The following THRAP3 variants were observed in gnomAD, a reference collection of about 807,000 sequenced individuals.
The protein encoded by THRAP3 is thyroid hormone receptor-associated protein 3.
Under a neutral mutation model 101.0 loss-of-function variants are expected in THRAP3, and 16 were observed. The ratio of observed to expected loss-of-function variants is 0.16; its 90% CI spans 0.11 to 0.24. The LOEUF (loss-of-function observed/expected upper bound fraction) is 0.24. Among genes scored for constraint, THRAP3 ranks in the 10% least tolerant of loss-of-function variants. THRAP3 has a pLI of 1.00. For missense variants in THRAP3, 989 were observed against 1,202.7 expected (o/e 0.82, Z 2.63); for synonymous variants, 407 against 422.6 (o/e 0.96, Z 0.45).
At chr1:36,277,717 A>G (rs1645678615) in intron 2 of THRAP3, among the ~76,000 whole-genome samples, 1 of 152,118 alleles carries the variant, frequency 6.6e-6, no homozygotes, top group African/African-American at 2.4e-5. Context: ...GAAAAACCAA[A>G]TGAGTTTTTA....
chr1:36,282,793 C>CA, intron 3 of THRAP3, 93 bp downstream of exon 3: 1 of 1,443,898 alleles, frequency 6.9e-7, no homozygotes. Flanking sequence ...CTGTGAGTGT[C>CA]AAATGGACTG....
At chr1:36,227,592 T>TG (rs1644976417) in intron 1 of THRAP3, among the ~76,000 whole-genome samples, 1 of 151,974 alleles carries the variant, frequency 6.6e-6, no homozygotes, top group Non-Finnish European at 1.5e-5. Flanking sequence ...CTACAACAGA[T>TG]GGAGGGAGGA....
In THRAP3 at chr1:36,301,567, A is replaced by C; in HGVS notation, c.2517A>C (p.Arg839Ser). The C allele has an allele frequency of 6.2e-7, 1 of 1,613,368 alleles. No individual in the cohort carries two copies. Among genetic ancestry groups the C allele is most frequent in the Non-Finnish European group, 8.5e-7 (1 of 1,179,780 alleles). ...RARGTFQFRARGRGWGRGNYS... is the reference protein window; with the variant it reads ...RARGTFQFRASGRGWGRGNYS... ...TATTGCAATAGCAGTTTCGAGCCAG[A>C]GGAAGAGGCTGGGGCAGAGGCAACT... The change falls in exon 11 of 12, where the codon AGA becomes AGC. Residue 839 changes from arginine to serine, a missense_variant. Arg to Ser is a moderately radical substitution (Grantham distance 110, BLOSUM62 -1). Transcript: ENST00000354618.
the THRAP3 span, among the ~76,000 whole-genome samples, chr1:36,219,183 A>G: frequency 1.3e-5 from 2 of 152,172 alleles, no homozygotes; most frequent in African/African-American, 2.4e-5. Context: ...CAAAAGCCTA[A>G]TCTAGAACAA....
chr1:36,303,850 C>A lies in THRAP3; in HGVS notation c.2701C>A (p.Arg901=), dbSNP rs1301301267. The change falls in exon 12 of 12, where the codon CGA becomes AGA. Residue 901 remains arginine, a synonymous_variant. Transcript: ENST00000354618. ...SDKWVSRGRG[R]GAFPRGRGRF... is the part of the protein sequence containing the mutation. ...CAAGTGGGTGAGCCGGGGCCGGGGC[C>A]GAGGAGCCTTTCCTCGGGGTCGGGG... 1 of 1,613,960 alleles carries A rather than the reference C, an allele frequency of 6.2e-7. No individual in the cohort carries two copies.
At chr1:36,273,382 T>G (rs1645614554) in intron 2 of THRAP3, among the ~76,000 whole-genome samples, 1 of 152,210 alleles carries the variant, frequency 6.6e-6, no homozygotes, top group South Asian at 2.1e-4. Context: ...GTCCAGCACC[T>G]TCTCATTATA....
chr1:36,293,776 A>T (rs910112172), intron 7 of THRAP3, 75 bp from the exon 8 acceptor site: 1 of 1,298,934 alleles, frequency 7.7e-7, no homozygotes. Context: ...CTATTAGCCA[A>T]CTTAAGAGCT....
At position 36,293,028 on chromosome 1, in the gene THRAP3, C is replaced by CTTTTTTTTTTTTTTTT. The variant is rs71053920; in HGVS notation, c.2030+322_2030+337dup. The stretch of plus-strand genomic sequence containing the variant: ...AGTAAATGCTAGTTTCTTTTCTTGT[C>CTTTTTTTTTTTTTTTT]TTTTTTTTTTTTTTTTTTGAGATGG... On this transcript the variant is annotated intron_variant, in intron 7 of 11. Coordinates refer to ENST00000354618, the MANE Select transcript of THRAP3 (RefSeq NM_005119.4). Among the ~76,000 whole-genome samples the CTTTTTTTTTTTTTTTT allele has an allele frequency of 7.1e-4, 59 of 82,824 alleles. 7 individuals carry two copies. Among genetic ancestry groups the CTTTTTTTTTTTTTTTT allele is most frequent in the East Asian group, 1.1e-3 (3 of 2,618 alleles). The allele number at this position is 82,824 out of a possible 152,430, so 54.3% of individuals were successfully genotyped here.
At chr1:36,296,977 G>C (rs528641063) in intron 9 of THRAP3, among the ~76,000 whole-genome samples, 1 of 152,332 alleles carries the variant, frequency 6.6e-6, no homozygotes, top group South Asian at 2.1e-4. Context: ...GTCCAAAGAA[G>C]GCTTCATGAG....
At chr1:36,291,914 C>A (rs1383877480) in intron 6 of THRAP3, among the ~76,000 whole-genome samples, 3 of 152,116 alleles carry the variant, frequency 2.0e-5, no homozygotes, top group Non-Finnish European at 4.4e-5. Context: ...ATTCTATCAT[C>A]CCCCTGGGCA....
At chr1:36,242,703 G>A (rs573138525) in intron 1 of THRAP3, among the ~76,000 whole-genome samples, 16 of 151,694 alleles carry the variant, frequency 1.1e-4, no homozygotes, top group Admixed American at 7.9e-4. Context: ...CGCCTGCCTC[G>A]CCCTCCCAAA....
chr1:36,303,843 C>T lies in THRAP3; in HGVS notation c.2694C>T (p.Gly898=). The part of the protein sequence containing the change: ...GEGSDKWVSR[G]RGRGAFPRGR... ...GCAGTGACAAGTGGGTGAGCCGGGGCCGGGGCCGAGGAGCCTTTCCTCGGG... is the reference window on the plus strand; with the variant it reads ...GCAGTGACAAGTGGGTGAGCCGGGGTCGGGGCCGAGGAGCCTTTCCTCGGG... The change falls in exon 12 of 12, where the codon GGC becomes GGT. Residue 898 remains glycine, a synonymous_variant. Coordinates refer to ENST00000354618, the MANE Select transcript of THRAP3 (RefSeq NM_005119.4). 6.2e-7 allele frequency: 1 copy of T among 1,614,136 alleles called. No individual in the cohort carries two copies. The highest frequency in any genetic ancestry group is 2.2e-5 in the East Asian group (1 of 44,880).
At chr1:36,217,048 G>A in the THRAP3 span, among the ~76,000 whole-genome samples, 1 of 151,948 alleles carries the variant, frequency 6.6e-6, no homozygotes, top group Non-Finnish European at 1.5e-5. Flanking sequence ...TTTTTTTCCT[G>A]ATCATCATAG....
At chr1:36,222,811 A>G (rs1368566515), upstream of THRAP3, among the ~76,000 whole-genome samples, 3 of 152,212 alleles carry the variant, frequency 2.0e-5, no homozygotes, top group Non-Finnish European at 4.4e-5. Context: ...TGTATACAGT[A>G]GACACCCAGA....
intron 9 of THRAP3, among the ~76,000 whole-genome samples, chr1:36,298,146 CAAAAAA>C (rs10653561): frequency 2.1e-5 from 2 of 96,002 alleles, no homozygotes; most frequent in Non-Finnish European, 4.0e-5. Flanking sequence ...GACTTCATCT[CAAAAAA>C]AAAAAAAAAA....
intron 2 of THRAP3, among the ~76,000 whole-genome samples, chr1:36,260,238 T>A (rs2124490267): frequency 6.6e-6 from 1 of 152,176 alleles, no homozygotes; most frequent in Non-Finnish European, 1.5e-5. Context: ...CAAGACCTTG[T>A]CTCAGAAAAA....
chr1:36,216,977 T>C, the THRAP3 span, among the ~76,000 whole-genome samples: 1 of 152,188 alleles, frequency 6.6e-6, no homozygotes, highest in Non-Finnish European at 1.5e-5. Flanking sequence ...TTCTTAATGC[T>C]ACCTCCCCAG....
chr1:36,208,937 G>C, the THRAP3 span, among the ~76,000 whole-genome samples: 19 of 147,734 alleles, frequency 1.3e-4, no homozygotes, highest in Admixed American at 1.2e-3. Context: ...AAAATGCTGG[G>C]ATTACAGACG....
intron 2 of THRAP3, among the ~76,000 whole-genome samples, chr1:36,275,375 C>T (rs1342553095): frequency 6.7e-6 from 1 of 149,184 alleles, no homozygotes; most frequent in African/African-American, 2.5e-5. Flanking sequence ...ATCACGAGGT[C>T]AGGAGATTGA....
Sources: gnomAD v4.1 joint callset for allele counts (sites outside exome capture counted in the v4.1 genomes callset) on GRCh38, gnomAD v4.1.1 for gene constraint, MANE v1.5 for transcripts, NCBI Gene and HGNC (gene_info 2026-07-23, HGNC 2026-07-21) for gene names.